Variants in BOD1L1 observed in about 807,000 individuals in gnomAD.
BOD1L1 encodes the protein biorientation of chromosomes in cell division 1 like 1, also known as biorientation of chromosomes in cell division protein 1-like 1.
BOD1L1 carries 86 observed loss-of-function variants against 240.7 expected under a neutral mutation model. The ratio of observed to expected loss-of-function variants is 0.36; its 90% CI spans 0.30 to 0.43. The LOEUF (loss-of-function observed/expected upper bound fraction) is 0.43. Ranked by LOEUF, BOD1L1 falls within the 20% of genes least tolerant of loss-of-function variation. The pLI, the probability that BOD1L1 is intolerant of heterozygous loss-of-function variation, is 1.00. For synonymous variants in BOD1L1, 1,268 were observed against 1,272.3 expected, an observed-to-expected ratio of 1.00 and a Z score of 0.07; for missense variants, 3,554 against 3,643.5, an observed-to-expected ratio of 0.98 and a Z score of 0.63.
At chr4:13,596,684 C>T (rs777636632) in intron 11 of BOD1L1, among the ~76,000 whole-genome samples, 1 of 152,024 alleles carries the variant, frequency 6.6e-6, no homozygotes, top group Non-Finnish European at 1.5e-5. Context: ...CTAATGACTA[C>T]CTGCAGGACT....
chr4:13,601,277 C>T lies in BOD1L1; in HGVS notation c.5623G>A (p.Gly1875Arg). The change falls in exon 10 of 26, where the codon GGA (glycine) becomes AGA (arginine). Residue 1875 changes from glycine to arginine, a missense_variant. Around this residue, in one of 2 missense-constraint regions of BOD1L1, gnomAD observed 3,393 missense variants for 3,427.1 expected, o/e 0.99. Transcript: ENST00000040738. ...GCATGCCCAATTTCATTTCCTCTTCCAGTACTAGTCACAACATCCTCCCCT... is the reference window on the plus strand; with the variant it reads ...GCATGCCCAATTTCATTTCCTCTTCTAGTACTAGTCACAACATCCTCCCCT... Reference protein sequence around the residue: ...EEGEDVVTSTGRGNEIGHAST... With the variant: ...EEGEDVVTSTRRGNEIGHAST... 6.2e-7 allele frequency: 1 copy of T among 1,613,966 alleles called. No individual in the cohort carries two copies. Among genetic ancestry groups the T allele is most frequent in the Non-Finnish European group, 8.5e-7 (1 of 1,179,888 alleles).
intron 10 of BOD1L1, among the ~76,000 whole-genome samples, chr4:13,598,189 A>G (rs1469581708): frequency 6.6e-6 from 1 of 152,214 alleles, no homozygotes; most frequent in Non-Finnish European, 1.5e-5. Flanking sequence ...TTTGAAAGTT[A>G]TTAACTATTT....
chr4:13,608,125 T>C (rs145385539), intron 8 of BOD1L1, among the ~76,000 whole-genome samples: 1 of 152,266 alleles, frequency 6.6e-6, no homozygotes, highest in African/African-American at 2.4e-5. Context: ...CATGGAATAC[T>C]GGTAAAAATA....
At chr4:13,571,669 T>G (rs149042675) in intron 25 of BOD1L1, among the ~76,000 whole-genome samples, 39 of 152,318 alleles carry the variant, frequency 2.6e-4, no homozygotes, top group Non-Finnish European at 4.7e-4. Context: ...CATTGGTCAC[T>G]GAGGAGCTTG....
At chr4:13,582,171 T>C (rs548195967) in intron 19 of BOD1L1, 66 bp downstream of exon 19, 3 of 1,335,720 alleles carry the variant, frequency 2.2e-6, no homozygotes, top group African/African-American at 1.5e-5. Flanking sequence ...TAACAGTATT[T>C]AATGAATTTA....
intron 14 of BOD1L1, 93 bp downstream of exon 14, chr4:13,590,293 T>G: frequency 1.7e-6 from 1 of 582,838 alleles, no homozygotes; most frequent in Non-Finnish European, 2.8e-6. Context: ...AGAAAGTATG[T>G]AAAATAATTA....
At chr4:13,609,219 A>G (rs1298965525) in intron 7 of BOD1L1, 76 bp downstream of exon 7, 6 of 765,278 alleles carry the variant, frequency 7.8e-6, no homozygotes, top group African/African-American at 7.3e-5. Context: ...TTCATGTCTC[A>G]TAAGTAATAT....
rs568183382 is a variant in BOD1L1, at chr4:13,603,820, T to C, written c.3080A>G (p.His1027Arg). 3.1e-6 allele frequency: 5 copies of C among 1,613,530 alleles called. No individual in the cohort carries two copies. In the African/African-American group the frequency reaches 4.0e-5, roughly 13 times the overall value. The change falls in exon 10 of 26, where the codon CAT (histidine) becomes CGT (arginine). Residue 1027 changes from histidine (H) to arginine (R), a missense_variant. By Grantham distance (29) the His-to-Arg change is conservative. This residue lies in a region of BOD1L1 where 3,393 missense variants were observed against 3,427.1 expected (regional missense o/e 0.99). Transcript: ENST00000040738. ...CTTCTTTTTTATGTCTTTACTACTA[T>C]GCTTTAAGCTTCTGCTTTTGTGGCC... ...SDGHKSRSLK[H>R]SSKDIKKKDE... is the part of the protein sequence containing the mutation.
chr4:13,625,281 G>A (rs2109005521), intron 1 of BOD1L1: 1 of 152,300 alleles, frequency 6.6e-6, no homozygotes, highest in East Asian at 1.9e-4. Flanking sequence ...TATGTTATTA[G>A]ATTGATTCTC....
chr4:13,596,004 C>T, intron 11 of BOD1L1, 60 bp from the exon 12 acceptor site: 1 of 1,397,198 alleles, frequency 7.2e-7, no homozygotes, highest in Non-Finnish European at 9.9e-7. Flanking sequence ...GAAGACTAAC[C>T]TCAAGTGAAT....
At position 13,599,379 on chromosome 4, in the gene BOD1L1, T is replaced by C; in HGVS notation, c.7521A>G (p.Gly2507=). 1 of 1,613,948 alleles carries C rather than the reference T, an allele frequency of 6.2e-7. No homozygotes were observed. Among genetic ancestry groups the C allele is most frequent in the Non-Finnish European group, 8.5e-7 (1 of 1,179,876 alleles). Residue 2507 remains glycine, a synonymous_variant, in exon 10 of 26, where the codon GGA becomes GGG. Transcript: ENST00000040738. ...CCGTCTGCCCAGACGTCTGTTCTGG[T>C]CCTCTCAGGTGGGCAGGTGAGTTAG... ...GNANSPAHLR[G]PEQTSGQTAK... is the part of the protein sequence containing the mutation.
Position 13,607,201 on chromosome 4 carries a change from A to G in BOD1L1, c.1743-12T>C. 1 of 1,534,688 alleles carries G rather than the reference A, an allele frequency of 6.5e-7. No individual in the cohort carries two copies. The highest frequency in any genetic ancestry group is 2.5e-5 in the East Asian group (1 of 40,140). On this transcript the variant is annotated splice_polypyrimidine_tract_variant and intron_variant, in intron 8 of 25. Transcript: ENST00000040738. ...TCTCTTCAACATTCCTAAGGGGGAAAGAGTCAAATATAAAGCATGAATCAA... is the reference window on the plus strand; with the variant it reads ...TCTCTTCAACATTCCTAAGGGGGAAGGAGTCAAATATAAAGCATGAATCAA...
At chr4:13,584,454 G>C (rs1182177357) in intron 17 of BOD1L1, among the ~76,000 whole-genome samples, 5 of 142,462 alleles carry the variant, frequency 3.5e-5, no homozygotes, top group African/African-American at 1.5e-4. Flanking sequence ...GTGTGTGTGT[G>C]TGTGTGTGTG....
chr4:13,607,622 T>A (rs1291241924), intron 8 of BOD1L1, among the ~76,000 whole-genome samples: 2 of 152,204 alleles, frequency 1.3e-5, no homozygotes, highest in Non-Finnish European at 2.9e-5. Context: ...ATACACTTGA[T>A]CGACAAATGC....
chr4:13,587,342 G>C (rs1713785550), intron 16 of BOD1L1, among the ~76,000 whole-genome samples: 1 of 152,146 alleles, frequency 6.6e-6, no homozygotes, highest in Non-Finnish European at 1.5e-5. Context: ...GCACAGAATG[G>C]GTGTTAGAGG....
In BOD1L1 at chr4:13,613,758, T is replaced by A; in HGVS notation, c.1175-97A>T. The stretch of plus-strand genomic sequence containing the variant: ...AAATTACACTTAAAATTTTCTGCTT[T>A]AAATACGTGTCAAACTATCAAACAA... On this transcript the variant is annotated intron_variant, in intron 4 of 25. Transcript: ENST00000040738. This position sits in a 1 kb window ranked among gnomAD's most constrained non-coding sequence, Gnocchi z 4.0. 1.0e-6 allele frequency: 1 copy of A among 965,266 alleles called. No homozygotes were observed. The highest frequency in any genetic ancestry group is 1.4e-6 in the Non-Finnish European group (1 of 704,962). 59.8% of individuals were successfully genotyped at this position (965,266 alleles called of 1,614,324 possible). A position where few individuals can be genotyped will look rare whatever the true frequency, so the allele number is the denominator to read the frequency against.
In BOD1L1 at chr4:13,595,948, A is replaced by G; in HGVS notation, c.8020-4T>C. The G allele has an allele frequency of 6.2e-7, 1 of 1,612,740 alleles. No homozygotes were observed. The highest frequency in any genetic ancestry group is 8.5e-7 in the Non-Finnish European group (1 of 1,179,450). On this transcript the variant is annotated splice_polypyrimidine_tract_variant and splice_region_variant and intron_variant, in intron 11 of 25. Coordinates refer to ENST00000040738, the MANE Select transcript of BOD1L1 (RefSeq NM_148894.3). Reference sequence around the variant, plus strand: ...CTTCCTCTGAAGGCACATAAGCCTAAAAAATCCAAAGCACCATAAAAATAA... The same window carrying G: ...CTTCCTCTGAAGGCACATAAGCCTAGAAAATCCAAAGCACCATAAAAATAA...
chr4:13,599,164 G>A lies in BOD1L1; in HGVS notation c.7736C>T (p.Ala2579Val). The A allele has an allele frequency of 6.2e-7, 1 of 1,614,034 alleles. No homozygotes were observed. The highest frequency in any genetic ancestry group is 8.5e-7 in the Non-Finnish European group (1 of 1,179,898). ...KCITGQESKI[A>V]PSHTMIPPAT... Reference sequence around the variant, plus strand: ...TGGAGGGATCATTGTGTGGGAAGGAGCAATTTTTGATTCTTGGCCAGTAAT... The same window carrying A: ...TGGAGGGATCATTGTGTGGGAAGGAACAATTTTTGATTCTTGGCCAGTAAT... Residue 2579 changes from alanine (A) to valine (V), a missense_variant, in exon 10 of 26, where the codon GCT becomes GTT. This residue lies in a region of BOD1L1 where 3,393 missense variants were observed against 3,427.1 expected (regional missense o/e 0.99). Coordinates refer to ENST00000040738, the MANE Select transcript of BOD1L1 (RefSeq NM_148894.3).
intron 6 of BOD1L1, among the ~76,000 whole-genome samples, chr4:13,610,492 T>C (rs1716071205): frequency 6.6e-6 from 1 of 152,224 alleles, no homozygotes; most frequent in Non-Finnish European, 1.5e-5. Flanking sequence ...CACACCTGAC[T>C]TCATGTGACA....
Sources: gnomAD v4.1 joint callset for allele counts (sites outside exome capture counted in the v4.1 genomes callset) on GRCh38, gnomAD v4.1.1 for gene constraint, gnomAD v4.1.1 regional missense constraint, Gnocchi (gnomAD v3.1) non-coding constraint, MANE v1.5 for transcripts, NCBI Gene and HGNC (gene_info 2026-07-23, HGNC 2026-07-21) for gene names.